The following IQGAP2 variants were observed in gnomAD, a reference collection of about 807,000 sequenced individuals.
The protein encoded by IQGAP2 is ras GTPase-activating-like protein IQGAP2.
Under a neutral mutation model 201.3 loss-of-function variants are expected in IQGAP2, and 173 were observed. That is an observed-to-expected ratio of 0.86 (90% confidence interval 0.76 to 0.98). IQGAP2 has a LOEUF of 0.98. Among genes scored for constraint, IQGAP2 ranks in the 50% least tolerant of loss-of-function variants. The pLI is 0.00. For synonymous variants in IQGAP2, 675 were observed against 673.9 expected (o/e 1.00, Z -0.03); for missense variants, 1,687 against 1,864.8 (o/e 0.90, Z 1.76).
chr5:76,582,297 CTATTA>C, intron 5 of IQGAP2, among the ~76,000 whole-genome samples: 1 of 152,314 alleles, frequency 6.6e-6, no homozygotes, highest in African/African-American at 2.4e-5. Flanking sequence ...GGCCTCTCAG[CTATTA>C]TATTTAACAT....
At chr5:76,535,640 G>A (rs980212487) in intron 2 of IQGAP2, among the ~76,000 whole-genome samples, 30 of 152,210 alleles carry the variant, frequency 2.0e-4, no homozygotes, top group African/African-American at 7.0e-4. Flanking sequence ...CTCCTTGCCT[G>A]TTCCATAAAA....
chr5:76,544,541 T>A (rs1018006943), intron 2 of IQGAP2, among the ~76,000 whole-genome samples: 2 of 152,218 alleles, frequency 1.3e-5, no homozygotes, highest in Admixed American at 6.5e-5. Flanking sequence ...TGGGTGGAGA[T>A]GGATCTAGCT....
intron 5 of IQGAP2, among the ~76,000 whole-genome samples, chr5:76,579,436 T>C (rs970777818): frequency 7.7e-6 from 1 of 130,176 alleles, no homozygotes; most frequent in Admixed American, 7.4e-5. Context: ...AAACTTTCTT[T>C]GTTTAAAAAA....
intron 22 of IQGAP2, 128 bp from the exon 23 acceptor site, chr5:76,668,553 T>A: frequency 1.4e-6 from 1 of 699,704 alleles, no homozygotes; most frequent in Non-Finnish European, 2.4e-6. Context: ...TATATACTCA[T>A]CTATATGCTT....
intron 31 of IQGAP2, among the ~76,000 whole-genome samples, chr5:76,695,007 G>A (rs1468891997): frequency 1.3e-5 from 2 of 152,294 alleles, no homozygotes; most frequent in East Asian, 3.9e-4. Context: ...CTGCCTTACT[G>A]TTGGTTTAGT....
intron 13 of IQGAP2, among the ~76,000 whole-genome samples, chr5:76,626,071 G>A (rs1750191629): frequency 6.6e-6 from 1 of 151,978 alleles, no homozygotes; most frequent in Non-Finnish European, 1.5e-5. Flanking sequence ...CCTATAATAG[G>A]AATAATGCAA....
intron 2 of IQGAP2, among the ~76,000 whole-genome samples, chr5:76,484,186 A>T (rs1755970742): frequency 6.6e-6 from 1 of 152,160 alleles, no homozygotes; most frequent in African/African-American, 2.4e-5. Flanking sequence ...AGCCCCATAG[A>T]AAGAGCAAAC....
rs192020155 is a variant in IQGAP2, at chr5:76,543,983, T to C, written c.147-18413T>C. ...ACTTAACTATCTGTCTGGAAACTCC[T>C]AAGCGCCTGCAAGTCTTTCTGAGTG... On this transcript the variant is annotated intron_variant, in intron 2 of 35. Coordinates refer to ENST00000274364, the MANE Select transcript of IQGAP2 (RefSeq NM_006633.5). 1.3e-3 allele frequency among the ~76,000 whole-genome samples: 203 copies of C among 152,338 alleles called. 1 individual carries two copies. Among genetic ancestry groups the C allele is most frequent in the African/African-American group, 4.8e-3 (199 of 41,574 alleles).
intron 1 of IQGAP2, among the ~76,000 whole-genome samples, chr5:76,430,526 G>C (rs1423415821): frequency 6.6e-6 from 1 of 152,220 alleles, no homozygotes; most frequent in Non-Finnish European, 1.5e-5. Flanking sequence ...TGTTCCAAGA[G>C]ACCACGTGGA....
chr5:76,454,226 C>G (rs1753935062), intron 1 of IQGAP2, among the ~76,000 whole-genome samples: 1 of 151,966 alleles, frequency 6.6e-6, no homozygotes, highest in South Asian at 2.1e-4. Flanking sequence ...GTATATGGGC[C>G]TTAATGTCTC....
At chr5:76,618,107 G>A (rs755703763) in intron 13 of IQGAP2, 5 of 1,614,168 alleles carry the variant, frequency 3.1e-6, no homozygotes, top group Non-Finnish European at 3.4e-6. Context: ...GGCCCCGGTA[G>A]GTGAAAGGAT....
chr5:76,594,923 G>A (rs981198221), intron 9 of IQGAP2, among the ~76,000 whole-genome samples: 1 of 151,254 alleles, frequency 6.6e-6, no homozygotes, highest in Admixed American at 6.6e-5. Context: ...CTGAGATTGC[G>A]CCACTACACT....
chr5:76,622,799 G>A (rs1749832543), intron 13 of IQGAP2, among the ~76,000 whole-genome samples: 1 of 151,896 alleles, frequency 6.6e-6, no homozygotes, highest in Admixed American at 6.6e-5. Flanking sequence ...TCACCAAGAG[G>A]TTTAAACACA....
At chr5:76,431,056 G>A (rs1184010380) in intron 1 of IQGAP2, among the ~76,000 whole-genome samples, 1 of 152,054 alleles carries the variant, frequency 6.6e-6, no homozygotes, top group African/African-American at 2.4e-5. Context: ...AATGATTCAT[G>A]AGTATTTTAT....
intron 19 of IQGAP2, 127 bp from the exon 20 acceptor site, chr5:76,654,807 A>T (rs1319645302): frequency 3.2e-6 from 2 of 625,864 alleles, no homozygotes; most frequent in South Asian, 4.3e-5. Flanking sequence ...AATACACCAC[A>T]TTGAAATACT....
chr5:76,577,088 A>G (rs991808484), intron 5 of IQGAP2, among the ~76,000 whole-genome samples: 4 of 152,256 alleles, frequency 2.6e-5, no homozygotes, highest in African/African-American at 9.6e-5. Flanking sequence ...CCATTGCTAC[A>G]TGTGTGCATC....
intron 1 of IQGAP2, among the ~76,000 whole-genome samples, chr5:76,455,443 G>T (rs1754019440): frequency 8.2e-6 from 1 of 121,934 alleles, no homozygotes. Flanking sequence ...ACAAGAGCGA[G>T]ACTCTGTCTC....
rs1756762465 is a variant in IQGAP2, at chr5:76,494,574, G to A, written c.146+32905G>A. Among the ~76,000 whole-genome samples the A allele has an allele frequency of 2.0e-5, 3 of 152,312 alleles. No individual in the cohort carries two copies. The South Asian group carries it at 6.2e-4, about 32-fold the overall frequency. On this transcript the variant is annotated intron_variant, in intron 2 of 35. Transcript: ENST00000274364. ...GAACTAAACACACACAGCACAAAAT[G>A]CTAAATAAAAGCACATGATAGAATA...
At chr5:76,601,725 T>C (rs974229761) in intron 11 of IQGAP2, among the ~76,000 whole-genome samples, 1 of 152,162 alleles carries the variant, frequency 6.6e-6, no homozygotes, top group Non-Finnish European at 1.5e-5. Context: ...ACGGCTCTAA[T>C]AGGCAGGTTG....
Sources: allele counts gnomAD v4.1 joint callset (sites outside exome capture counted in the v4.1 genomes callset), GRCh38; gene constraint gnomAD v4.1.1; transcripts MANE v1.5; gene names NCBI Gene and HGNC (gene_info 2026-07-23, HGNC 2026-07-21).